IQGAP1: variants seen among roughly 807,000 people sequenced by gnomAD.
IQGAP1 encodes the protein IQ motif containing GTPase activating protein 1, also known as ras GTPase-activating-like protein IQGAP1.
Under a neutral mutation model 215.6 loss-of-function variants are expected in IQGAP1, and 66 were observed. The observed-to-expected ratio is 0.31, with a 90% CI of 0.25 to 0.38. IQGAP1 has a LOEUF of 0.38. IQGAP1 is among the 10% of genes least tolerant of loss of function. IQGAP1 has a pLI of 1.00. For missense variants in IQGAP1, 1,712 were observed against 1,997.1 expected, an observed-to-expected ratio of 0.86 and a Z score of 2.72; for synonymous variants, 772 against 728.7, an observed-to-expected ratio of 1.06 and a Z score of -0.96.
In IQGAP1 at chr15:90,390,778, C is replaced by G. The variant is rs756369424; in HGVS notation, c.60C>G (p.Val20=). Residue 20 remains valine, a synonymous_variant, in exon 2 of 38, where the codon GTC becomes GTG. Coordinates refer to ENST00000268182, the MANE Select transcript of IQGAP1 (RefSeq NM_003870.4). Reference sequence around the variant, plus strand: ...ATTCTTTCTTTTATGTTGTAGCTGTCCTGGATAATGAAAGACTTACTGCAG... The same window carrying G: ...ATTCTTTCTTTTATGTTGTAGCTGTGCTGGATAATGAAAGACTTACTGCAG... ...LGVARPHYGS[V]LDNERLTAEE... is the part of the protein sequence containing the mutation. 1.2e-5 allele frequency: 19 copies of G among 1,604,208 alleles called. No individual in the cohort carries two copies. In the East Asian group the frequency reaches 3.8e-4, roughly 32 times the overall value.
chr15:90,391,247 A>T (rs961777014), intron 2 of IQGAP1: 1 of 164,880 alleles, frequency 6.1e-6, no homozygotes, highest in African/African-American at 2.4e-5. Flanking sequence ...TGGGGGGAAA[A>T]AAAAGAAAAG....
At chr15:90,483,715 T>C in intron 29 of IQGAP1, 122 bp downstream of exon 29, 1 of 684,206 alleles carries the variant, frequency 1.5e-6, no homozygotes, top group Non-Finnish European at 2.5e-6. Flanking sequence ...AAGACGTGTT[T>C]GATGTGCCCA....
chr15:90,411,255 C>A (rs960842235), intron 2 of IQGAP1, among the ~76,000 whole-genome samples: 5 of 151,826 alleles, frequency 3.3e-5, no homozygotes, highest in Non-Finnish European at 7.4e-5. Flanking sequence ...GCAAGTACTA[C>A]GTTCTTTCTT....
chr15:90,448,492 G>C, intron 9 of IQGAP1, 81 bp from the exon 10 acceptor site: 1 of 1,234,026 alleles, frequency 8.1e-7, no homozygotes, highest in Admixed American at 2.7e-5. Context: ...CTGGAACTGA[G>C]ATTGGTTTTG....
chr15:90,477,327 T>C, intron 25 of IQGAP1, 97 bp downstream of exon 25: 1 of 1,019,588 alleles, frequency 9.8e-7, no homozygotes, highest in South Asian at 1.7e-5. Flanking sequence ...TTGATCTCAA[T>C]TAATTTATGA....
At chr15:90,484,553 G>C (rs1320966396) in intron 30 of IQGAP1, among the ~76,000 whole-genome samples, 1 of 151,952 alleles carries the variant, frequency 6.6e-6, no homozygotes, top group Non-Finnish European at 1.5e-5. Context: ...GTGTTGCCCA[G>C]GCTGGAGTGC....
At chr15:90,497,051 A>G (rs1596296560) in intron 36 of IQGAP1, 181 bp from the exon 37 acceptor site, 1 of 511,274 alleles carries the variant, frequency 2.0e-6, no homozygotes, top group South Asian at 2.6e-5. Flanking sequence ...TCCAAGTCCC[A>G]GAGCAGATGG....
At chr15:90,451,262 T>G (rs991776716) in intron 11 of IQGAP1, among the ~76,000 whole-genome samples, 4 of 152,188 alleles carry the variant, frequency 2.6e-5, no homozygotes, top group African/African-American at 9.6e-5. Context: ...AAGGGATACT[T>G]GAAGTGGGGT....
intron 15 of IQGAP1, among the ~76,000 whole-genome samples, chr15:90,458,674 A>G (rs557484253): frequency 6.6e-6 from 1 of 152,342 alleles, no homozygotes; most frequent in South Asian, 2.1e-4. Context: ...CTAATCTAAT[A>G]AAATGAATCA....
chr15:90,398,407 A>G (rs1183700851), intron 2 of IQGAP1, among the ~76,000 whole-genome samples: 3 of 152,250 alleles, frequency 2.0e-5, no homozygotes, highest in African/African-American at 7.2e-5. Flanking sequence ...ATACTGTACT[A>G]TATATTTAAA....
intron 3 of IQGAP1, among the ~76,000 whole-genome samples, 176 bp from the exon 4 acceptor site, chr15:90,429,413 T>TA (rs964165779): frequency 6.6e-6 from 1 of 152,216 alleles, no homozygotes; most frequent in African/African-American, 2.4e-5. Flanking sequence ...AGGTAGTTGC[T>TA]AAGTGAGAGG....
At chr15:90,470,851 G>C (rs569463875) in intron 18 of IQGAP1, among the ~76,000 whole-genome samples, 1 of 152,162 alleles carries the variant, frequency 6.6e-6, no homozygotes, top group South Asian at 2.1e-4. Context: ...TTTGGCTTCT[G>C]CCATCCAACT....
chr15:90,450,063 A>T (rs79900358), intron 11 of IQGAP1, among the ~76,000 whole-genome samples: 8 of 152,002 alleles, frequency 5.3e-5, no homozygotes, highest in Admixed American at 4.6e-4. Context: ...TCATCATCCT[A>T]CTGTGCTATC....
intron 23 of IQGAP1, among the ~76,000 whole-genome samples, chr15:90,475,287 C>T (rs1008396980): frequency 1.3e-5 from 2 of 152,090 alleles, no homozygotes; most frequent in Non-Finnish European, 2.9e-5. Context: ...GCGTGAGCCA[C>T]GACACCCGGC....
chr15:90,405,972 G>C (rs1964872561), intron 2 of IQGAP1, among the ~76,000 whole-genome samples: 1 of 152,082 alleles, frequency 6.6e-6, no homozygotes, highest in African/African-American at 2.4e-5. Context: ...TTGGCTTATA[G>C]AGCTTAAATT....
intron 2 of IQGAP1, among the ~76,000 whole-genome samples, chr15:90,412,112 A>T (rs986217843): frequency 1.3e-5 from 2 of 152,200 alleles, no homozygotes; most frequent in Admixed American, 1.3e-4. Flanking sequence ...ATTCTATCTG[A>T]TTATGCTAAG....
chr15:90,459,848 G>A (rs913630173), intron 15 of IQGAP1, among the ~76,000 whole-genome samples: 2 of 152,128 alleles, frequency 1.3e-5, no homozygotes, highest in Non-Finnish European at 2.9e-5. Flanking sequence ...TTGGTCTGTA[G>A]TTTTATTTTC....
intron 2 of IQGAP1, among the ~76,000 whole-genome samples, chr15:90,415,131 G>A (rs1225847542): frequency 6.6e-6 from 1 of 152,216 alleles, no homozygotes; most frequent in Non-Finnish European, 1.5e-5. Context: ...TCTGATAGCT[G>A]AAGATGGTGA....
chr15:90,451,451 C>T (rs948424311), intron 11 of IQGAP1, among the ~76,000 whole-genome samples: 1 of 152,132 alleles, frequency 6.6e-6, no homozygotes, highest in Non-Finnish European at 1.5e-5. Flanking sequence ...GGCTTTATAA[C>T]AACCCATTCT....
Sources: gnomAD v4.1 joint callset for allele counts (sites outside exome capture counted in the v4.1 genomes callset) on GRCh38, gnomAD v4.1.1 for gene constraint, MANE v1.5 for transcripts, NCBI Gene and HGNC (gene_info 2026-07-23, HGNC 2026-07-21) for gene names.